KPNA1: variants seen among roughly 807,000 people sequenced by gnomAD.
KPNA1 encodes the protein karyopherin subunit alpha 1.
Under a neutral mutation model 70.5 loss-of-function variants are expected in KPNA1, and 10 were observed. The ratio of observed to expected loss-of-function variants is 0.14; its 90% CI spans 0.09 to 0.24. KPNA1 has a LOEUF of 0.24. Ranked by LOEUF, KPNA1 falls within the 10% of genes least tolerant of loss-of-function variation. KPNA1 has a pLI of 1.00. For synonymous variants in KPNA1, 192 were observed against 221.9 expected, an observed-to-expected ratio of 0.87 and a Z score of 1.20; for missense variants, 397 against 637.9, an observed-to-expected ratio of 0.62 and a Z score of 4.07.
At chr3:122,452,244 T>C (rs971774669) in intron 6 of KPNA1, among the ~76,000 whole-genome samples, 180 bp from the exon 7 acceptor site, 1 of 152,156 alleles carries the variant, frequency 6.6e-6, no homozygotes, top group Non-Finnish European at 1.5e-5. Context: ...TTCGGTTTAT[T>C]AAAGGAAAGA....
chr3:122,498,342 C>T (rs2076786980), intron 1 of KPNA1, among the ~76,000 whole-genome samples: 3 of 152,206 alleles, frequency 2.0e-5, no homozygotes, highest in Non-Finnish European at 4.4e-5. Context: ...CTCCTTCAGC[C>T]ATGTGAGGAC....
At chr3:122,473,724 A>G (rs2076467905) in intron 2 of KPNA1, among the ~76,000 whole-genome samples, 1 of 152,166 alleles carries the variant, frequency 6.6e-6, no homozygotes, top group Admixed American at 6.5e-5. Context: ...AGGAATATCC[A>G]GAAAAAAACC....
chr3:122,498,471 T>C lies in KPNA1; in HGVS notation c.-5-1901A>G, dbSNP rs114590435. On this transcript the variant is annotated intron_variant, in intron 1 of 13. Transcript: ENST00000344337. ...AGAACTGTGAGAAACAAATTTCTAT[T>C]GTCTGTTAGCCACCTAGTCTCTGGT... Among the ~76,000 whole-genome samples the C allele has an allele frequency of 8.9e-3, 1,357 of 152,322 alleles. 21 individuals are homozygous for C. Among genetic ancestry groups the C allele is most frequent in the African/African-American group, 0.031 (1,303 of 41,568 alleles).
chr3:122,487,327 T>G (rs2076640725), intron 2 of KPNA1, among the ~76,000 whole-genome samples: 1 of 152,214 alleles, frequency 6.6e-6, no homozygotes, highest in Non-Finnish European at 1.5e-5. Flanking sequence ...ATAAAACGTG[T>G]ACCCACTATG....
chr3:122,473,077 T>C (rs1267927277), intron 2 of KPNA1, among the ~76,000 whole-genome samples: 1 of 151,932 alleles, frequency 6.6e-6, no homozygotes, highest in Non-Finnish European at 1.5e-5. Flanking sequence ...AGACTCTGTC[T>C]CAAAAAAATA....
chr3:122,482,825 A>C (rs554821311), intron 2 of KPNA1, among the ~76,000 whole-genome samples: 1 of 152,340 alleles, frequency 6.6e-6, no homozygotes, highest in African/African-American at 2.4e-5. Context: ...ACAAATTGCT[A>C]AGAGAATGTA....
At position 122,449,618 on chromosome 3, in the gene KPNA1, C is replaced by A; in HGVS notation, c.873G>T (p.Ala291=). Residue 291 remains alanine, a synonymous_variant, in exon 9 of 14, where the codon GCG becomes GCT. Coordinates refer to ENST00000344337, the MANE Select transcript of KPNA1 (RefSeq NM_002264.4). The part of the protein sequence containing the change: ...LSDGPNDKIQ[A]VIDAGVCRRL... ...TCCTACATACTCCCGCATCGATGACCGCTTGAATTTTATCATTGGGTCCAT... is the reference window on the plus strand; with the variant it reads ...TCCTACATACTCCCGCATCGATGACAGCTTGAATTTTATCATTGGGTCCAT... The A allele has an allele frequency of 6.2e-7, 1 of 1,613,872 alleles. No homozygotes were observed. The highest frequency in any genetic ancestry group is 2.2e-5 in the East Asian group (1 of 44,876).
chr3:122,439,880 T>A (rs1245749994), intron 10 of KPNA1, among the ~76,000 whole-genome samples: 1 of 152,100 alleles, frequency 6.6e-6, no homozygotes, highest in Non-Finnish European at 1.5e-5. Context: ...CAAAGTTTCA[T>A]GTGTAGGTAA....
chr3:122,435,171 G>A (rs2107720408), intron 11 of KPNA1, among the ~76,000 whole-genome samples: 1 of 152,144 alleles, frequency 6.6e-6, no homozygotes, highest in East Asian at 1.9e-4. Context: ...CAATGTAATG[G>A]ATGCTTCAAT....
rs929592277 is a variant in KPNA1 at position 122,492,112 on chromosome 3, G to A, written c.129+4325C>T. 2.6e-5 allele frequency among the ~76,000 whole-genome samples: 4 copies of A among 151,714 alleles called. 1 individual carries two copies. The highest frequency in any genetic ancestry group is 6.8e-3 in the Middle Eastern group (2 of 294). On this transcript the variant is annotated intron_variant, in intron 2 of 13. Coordinates refer to ENST00000344337, the MANE Select transcript of KPNA1 (RefSeq NM_002264.4). ...CCTGACCTCGTGATCCGCCCGTCTC[G>A]GCCTCCCAAAGTGCTGGGATTACAG...
intron 2 of KPNA1, among the ~76,000 whole-genome samples, chr3:122,472,103 T>G (rs1032321925): frequency 6.6e-6 from 1 of 152,142 alleles, no homozygotes; most frequent in Non-Finnish European, 1.5e-5. Flanking sequence ...ATAATGAACA[T>G]TCACAGATTA....
intron 4 of KPNA1, among the ~76,000 whole-genome samples, chr3:122,463,296 C>T (rs968291230): frequency 7.3e-5 from 11 of 150,940 alleles, no homozygotes; most frequent in Non-Finnish European, 1.0e-4. Context: ...TGCAGTGAGC[C>T]GAGATAGCGC....
rs77439893 is a variant in KPNA1, at chr3:122,458,312, A to C, written c.432+2912T>G. On this transcript the variant is annotated intron_variant, in intron 5 of 13. Coordinates refer to ENST00000344337, the MANE Select transcript of KPNA1 (RefSeq NM_002264.4). ...AAGGGCTCAAGTCTATCTGAGACCT[A>C]GATGTCACTGAGCTTGAGAATGCGC... Among the ~76,000 whole-genome samples the C allele has an allele frequency of 9.7e-3, 1,482 of 152,294 alleles. 28 individuals are homozygous for C. Among genetic ancestry groups the C allele is most frequent in the African/African-American group, 0.033 (1,390 of 41,564 alleles).
chr3:122,476,890 A>G (rs1383457685), intron 2 of KPNA1, among the ~76,000 whole-genome samples: 1 of 151,362 alleles, frequency 6.6e-6, no homozygotes, highest in African/African-American at 2.4e-5. Flanking sequence ...AAAAACTAAA[A>G]AAAGAATTAC....
chr3:122,501,040 T>C (rs1169232352), intron 1 of KPNA1, among the ~76,000 whole-genome samples: 3 of 149,978 alleles, frequency 2.0e-5, no homozygotes, highest in African/African-American at 7.4e-5. Context: ...CTTTTTTTTT[T>C]TTTTTTGAGA....
chr3:122,433,511 C>A, intron 12 of KPNA1, 150 bp downstream of exon 12: 1 of 560,180 alleles, frequency 1.8e-6, no homozygotes, highest in Admixed American at 3.7e-5. Flanking sequence ...TGGAACTAAA[C>A]ATTCTTATTT....
chr3:122,444,483 C>T (rs537812963), intron 9 of KPNA1, among the ~76,000 whole-genome samples: 11 of 152,244 alleles, frequency 7.2e-5, no homozygotes, highest in South Asian at 4.1e-4. Context: ...AGTAGACACG[C>T]GTAAGAAATT....
At position 122,452,082 on chromosome 3, in the gene KPNA1, A is replaced by G. The variant is rs771770748; in HGVS notation, c.565-18T>C. On this transcript the variant is annotated intron_variant, in intron 6 of 13. Transcript: ENST00000344337. ...CAGACTGCCTGTGAAAGAATCATTC[A>G]TTAATAAAGGTTACATAGTTTAATT... 2 of 1,524,914 alleles carry G rather than the reference A, an allele frequency of 1.3e-6. No homozygotes were observed. The highest frequency in any genetic ancestry group is 1.1e-5 in the South Asian group (1 of 88,790). The allele number at this position is 1,524,914 out of a possible 1,614,324, so 94.5% of individuals were successfully genotyped here.
intron 1 of KPNA1, among the ~76,000 whole-genome samples, chr3:122,497,695 C>T (rs984798904): frequency 4.6e-5 from 7 of 152,132 alleles, no homozygotes; most frequent in African/African-American, 9.7e-5. Context: ...TTTTCACATA[C>T]GTATTTGGTA....
Sources: allele counts gnomAD v4.1 joint callset (sites outside exome capture counted in the v4.1 genomes callset), GRCh38; gene constraint gnomAD v4.1.1; transcripts MANE v1.5; gene names NCBI Gene and HGNC (gene_info 2026-07-23, HGNC 2026-07-21).